The following CCDC7 variants were observed in gnomAD, a reference collection of about 807,000 sequenced individuals.
CCDC7 encodes the protein coiled-coil domain-containing protein 7.
CCDC7 carries 183 observed loss-of-function variants against 196.9 expected under a neutral mutation model. That is an observed-to-expected ratio of 0.93 (90% CI 0.82 to 1.05). The LOEUF (loss-of-function observed/expected upper bound fraction) is 1.05, where lower values mean the gene tolerates loss of function less well. Ranked by LOEUF, CCDC7 falls within the 50% of genes least tolerant of loss-of-function variation. CCDC7 has a pLI of 0.00. For missense variants in CCDC7, 1,540 were observed against 1,482.2 expected (o/e 1.04, Z -0.64); for synonymous variants, 525 against 484.6 (o/e 1.08, Z -1.10).
intron 11 of CCDC7, among the ~76,000 whole-genome samples, chr10:32,525,196 T>C (rs1017288968): frequency 2.6e-5 from 4 of 151,646 alleles, no homozygotes; most frequent in Middle Eastern, 3.2e-3. Context: ...TGTACATATG[T>C]AACAAACCTG....
chr10:32,859,861 AG>A (rs2093908407), intron 41 of CCDC7, among the ~76,000 whole-genome samples: 1 of 152,226 alleles, frequency 6.6e-6, no homozygotes. Flanking sequence ...AGACTAAACC[AG>A]GAAGAGGTCG....
intron 11 of CCDC7, among the ~76,000 whole-genome samples, chr10:32,523,498 G>A (rs1415577433): frequency 3.3e-5 from 5 of 151,196 alleles, no homozygotes; most frequent in South Asian, 2.1e-4. Flanking sequence ...GCAGTGAGCC[G>A]AGATTGCACT....
chr10:32,635,988 T>A (rs1253379760), intron 20 of CCDC7, among the ~76,000 whole-genome samples: 1 of 152,142 alleles, frequency 6.6e-6, no homozygotes, highest in African/African-American at 2.4e-5. Flanking sequence ...TCATTACATA[T>A]TTTTTCCTTG....
chr10:32,511,824 G>A (rs2046265385), intron 9 of CCDC7: 6 of 858,970 alleles, frequency 7.0e-6, no homozygotes, highest in South Asian at 4.5e-5. Context: ...AGCTCTGCCC[G>A]CGCCACCAGC....
At chr10:32,882,838 T>G (rs1741732142) in exon 23 of CCDC7, 1 of 152,098 alleles carries the variant, frequency 6.6e-6, no homozygotes, top group African/African-American at 2.4e-5. Context: ...TGATGTAAAA[T>G]CAATTAAACA....
intron 18 of CCDC7, among the ~76,000 whole-genome samples, chr10:32,617,174 G>A (rs1451874319): frequency 6.6e-6 from 1 of 151,524 alleles, no homozygotes; most frequent in Non-Finnish European, 1.5e-5. Context: ...TTGAGATCTT[G>A]TCTCTTCTTT....
rs113734096 is a variant in CCDC7, at chr10:32,529,977, T to C, written c.993+11472T>C. Reference sequence around the variant, plus strand: ...GTGAAAGATGAGGATCCAGTTACATTCTCTTACATGAGGCTTGCCAATTAT... The same window carrying C: ...GTGAAAGATGAGGATCCAGTTACATCCTCTTACATGAGGCTTGCCAATTAT... On this transcript the variant is annotated intron_variant, in intron 11 of 41. Coordinates refer to ENST00000639629, the Ensembl canonical transcript of CCDC7. Among the ~76,000 whole-genome samples the C allele has an allele frequency of 2.5e-3, 383 of 152,280 alleles. 2 individuals carry two copies. Among genetic ancestry groups the C allele is most frequent in the African/African-American group, 8.6e-3 (357 of 41,562 alleles).
chr10:32,607,865 G>A (rs1199355594), intron 18 of CCDC7, among the ~76,000 whole-genome samples: 2 of 152,030 alleles, frequency 1.3e-5, no homozygotes, highest in African/African-American at 4.8e-5. Context: ...CAATTTTATG[G>A]AATAGTTTGA....
intron 32 of CCDC7, among the ~76,000 whole-genome samples, chr10:32,825,157 T>C (rs2090924194): frequency 6.6e-6 from 1 of 152,178 alleles, no homozygotes; most frequent in Admixed American, 6.5e-5. Context: ...AACAGAGACA[T>C]AAGGGGAAGA....
rs371794999 is a variant in CCDC7 at position 32,839,201 on chromosome 10, A to T, written c.3352+4303A>T. Among the ~76,000 whole-genome samples, 4 of 151,968 alleles carry T rather than the reference A, an allele frequency of 2.6e-5. No homozygotes were observed. In the East Asian group the frequency reaches 7.7e-4, roughly 29 times the overall value. ...CTTAAAAGATACAGAATGGCAGAAT[A>T]GATAAGAATAGATACAGAACTGCAG... On this transcript the variant is annotated intron_variant, in intron 33 of 41. Transcript: ENST00000639629.
At position 32,451,837 on chromosome 10, in the gene CCDC7, T is replaced by C. The variant is rs143652718; in HGVS notation, c.195T>C (p.Tyr65=). The stretch of plus-strand genomic sequence containing the variant: ...CAACAGGAGAATCCATTTTACGGTA[T>C]GCTTTGCCCATTCCATCGAGTAAGA... The change falls in exon 1 of 42, where the codon TAT becomes TAC. Residue 65 remains tyrosine (Y), a synonymous_variant. Coordinates refer to ENST00000639629, the Ensembl canonical transcript of CCDC7. 1.7e-4 allele frequency: 271 copies of C among 1,614,208 alleles called. 1 individual carries two copies. In the African/African-American group the frequency reaches 3.3e-3, roughly 20 times the overall value.
At chr10:32,800,814 C>T (rs758857450) in intron 29 of CCDC7, among the ~76,000 whole-genome samples, 1 of 152,188 alleles carries the variant, frequency 6.6e-6, no homozygotes, top group African/African-American at 2.4e-5. Flanking sequence ...ATGATTCTGT[C>T]TTTATAATTC....
chr10:32,466,485 C>T (rs975960103), intron 5 of CCDC7, among the ~76,000 whole-genome samples: 4 of 152,094 alleles, frequency 2.6e-5, no homozygotes, highest in Non-Finnish European at 5.9e-5. Context: ...CATGAGTTCT[C>T]ATCATTTAGC....
chr10:32,720,676 G>A (rs1161857471), intron 25 of CCDC7, among the ~76,000 whole-genome samples: 1 of 152,126 alleles, frequency 6.6e-6, no homozygotes, highest in Non-Finnish European at 1.5e-5. Context: ...AGAGCTGTTT[G>A]TGGCATTCAG....
rs551570740 is a variant in CCDC7 at position 32,698,363 on chromosome 10, A to C, written c.2458+3371A>C. ...GACGGAGAATGACTTTGACGAGTTGAGAGAAGTAGACTTCAGAAGATCGGT... is the reference window on the plus strand; with the variant it reads ...GACGGAGAATGACTTTGACGAGTTGCGAGAAGTAGACTTCAGAAGATCGGT... On this transcript the variant is annotated intron_variant, in intron 24 of 41. Transcript: ENST00000639629. Among the ~76,000 whole-genome samples, 5 of 152,336 alleles carry C rather than the reference A, an allele frequency of 3.3e-5. No individual in the cohort carries two copies. The South Asian group carries it at 8.3e-4, about 25-fold the overall frequency.
At chr10:32,574,858 T>A (rs543680544) in intron 16 of CCDC7, among the ~76,000 whole-genome samples, 30 of 152,328 alleles carry the variant, frequency 2.0e-4, no homozygotes, top group Middle Eastern at 3.4e-3. Context: ...TGTTGGAACA[T>A]GTCCATTTTT....
At chr10:32,642,001 G>T (rs986260195) in intron 20 of CCDC7, among the ~76,000 whole-genome samples, 1 of 152,158 alleles carries the variant, frequency 6.6e-6, no homozygotes, top group East Asian at 1.9e-4. Context: ...CTTCCTGATC[G>T]TTTCTCTGGA....
chr10:32,810,112 C>A (rs2086762331), intron 30 of CCDC7, among the ~76,000 whole-genome samples: 1 of 151,844 alleles, frequency 6.6e-6, no homozygotes, highest in East Asian at 1.9e-4. Context: ...CAATGATAAA[C>A]AACACAAGAG....
chr10:32,556,290 G>A (rs576900456), intron 13 of CCDC7, among the ~76,000 whole-genome samples: 31 of 152,136 alleles, frequency 2.0e-4, no homozygotes, highest in African/African-American at 5.1e-4. Flanking sequence ...AAAAAGAGAC[G>A]CCATATAATT....
Sources: allele counts gnomAD v4.1 joint callset (sites outside exome capture counted in the v4.1 genomes callset), GRCh38; gene constraint gnomAD v4.1.1; transcripts MANE v1.5; gene names NCBI Gene and HGNC (gene_info 2026-07-23, HGNC 2026-07-21).